The following DPF3 variants were observed in gnomAD, a reference collection of about 807,000 sequenced individuals.
DPF3 encodes zinc finger protein DPF3.
A neutral mutation model predicts 56.8 loss-of-function variants in DPF3; 18 were observed. That is an observed-to-expected ratio of 0.32 (90% CI 0.22 to 0.47). DPF3 has a LOEUF of 0.47. Ranked by LOEUF, DPF3 falls within the 20% of genes least tolerant of loss-of-function variation. DPF3 has a pLI of 1.00. For missense variants in DPF3, 403 were observed against 488.8 expected (o/e 0.82, Z 1.65); for synonymous variants, 188 against 180.2 (o/e 1.04, Z -0.35).
At chr14:72,697,712 G>A (rs1476611089) in intron 6 of DPF3, among the ~76,000 whole-genome samples, 1 of 152,182 alleles carries the variant, frequency 6.6e-6, no homozygotes, top group African/African-American at 2.4e-5. Context: ...GGATTTGAAG[G>A]TAGCGAGGGG....
rs1889663209 is a variant in DPF3 at position 72,731,807 on chromosome 14, C to T, written c.429G>A (p.Gln143=). The T allele has an allele frequency of 6.2e-7, 1 of 1,613,346 alleles. No individual in the cohort carries two copies. The highest frequency in any genetic ancestry group is 1.7e-5 in the Admixed American group (1 of 59,972). ...AREEESIQEI[Q]RVLENDENVE... Reference sequence around the variant, plus strand: ...GGGTCCCCAGCAGGTGTGGGAATACCTGTATTTCCTGGATGCTTTCCTCCT... The same window carrying T: ...GGGTCCCCAGCAGGTGTGGGAATACTTGTATTTCCTGGATGCTTTCCTCCT... Residue 143 remains glutamine (Q), a splice_region_variant and synonymous_variant, in exon 4 of 11, where the codon CAG becomes CAA. Coordinates refer to ENST00000556509, the MANE Select transcript of DPF3 (RefSeq NM_001280542.3).
intron 1 of DPF3, among the ~76,000 whole-genome samples, chr14:72,838,671 C>A (rs183481611): frequency 1.3e-5 from 2 of 151,736 alleles, no homozygotes; most frequent in African/African-American, 4.8e-5. Context: ...GCAGGAGAAT[C>A]GCTTGAACCC....
At chr14:72,757,001 G>A (rs1276717235) in intron 2 of DPF3, among the ~76,000 whole-genome samples, 5 of 140,234 alleles carry the variant, frequency 3.6e-5, no homozygotes, top group Non-Finnish European at 3.1e-5. Context: ...GGGAGAGAGG[G>A]AGAGAGGAGA....
At chr14:72,774,262 T>TAAAAAA (rs777564213) in intron 1 of DPF3, among the ~76,000 whole-genome samples, 1 of 61,004 alleles carries the variant, frequency 1.6e-5, no homozygotes, top group Non-Finnish European at 2.9e-5. Flanking sequence ...AGACTCTGTC[T>TAAAAAA]AAAAAAAAAA....
intron 1 of DPF3, among the ~76,000 whole-genome samples, chr14:72,833,393 G>A (rs1884144667): frequency 1.3e-5 from 2 of 152,196 alleles, no homozygotes; most frequent in Non-Finnish European, 1.5e-5. Flanking sequence ...TTTTGAACGT[G>A]TTGAGGTCCT....
At position 72,824,561 on chromosome 14, in the gene DPF3, T is replaced by TTTGTTTG. The variant is rs544921224; in HGVS notation, c.33-52669_33-52668insCAAACAA. On this transcript the variant is annotated intron_variant, in intron 1 of 10. Transcript: ENST00000556509. ...TTACGTTTTCTTTTTCTTTTTTTTT[T>TTTGTTTG]TTTGTTTGTTTGTTTGTTTGTTTTG... Among the ~76,000 whole-genome samples the TTTGTTTG allele has an allele frequency of 2.5e-3, 386 of 151,490 alleles. 8 individuals carry two copies. Among genetic ancestry groups the TTTGTTTG allele is most frequent in the Non-Finnish European group, 2.4e-3 (162 of 67,836 alleles).
chr14:72,715,673 G>A (rs1169416978), intron 5 of DPF3, among the ~76,000 whole-genome samples: 1 of 151,816 alleles, frequency 6.6e-6, no homozygotes, highest in African/African-American at 2.4e-5. Context: ...ACTCACCGGG[G>A]ACTTCACAGT....
intron 1 of DPF3, among the ~76,000 whole-genome samples, chr14:72,864,760 G>A (rs746609630): frequency 1.3e-5 from 2 of 152,352 alleles, no homozygotes; most frequent in African/African-American, 2.4e-5. Flanking sequence ...AAACTGAACT[G>A]TGCAATGCCT....
intron 1 of DPF3, among the ~76,000 whole-genome samples, chr14:72,866,632 G>A (rs1446147859): frequency 2.0e-5 from 3 of 150,454 alleles, no homozygotes; most frequent in South Asian, 2.1e-4. Context: ...CGAGGAGGGC[G>A]GATCACCTGA....
At chr14:72,833,452 T>C (rs1884148132) in intron 1 of DPF3, among the ~76,000 whole-genome samples, 1 of 152,122 alleles carries the variant, frequency 6.6e-6, no homozygotes, top group Admixed American at 6.5e-5. Context: ...AGGATGAATA[T>C]GTGCATTGGG....
rs564842116 is a variant in DPF3 at position 72,644,037 on chromosome 14, G to C, written c.872-14301C>G. Among the ~76,000 whole-genome samples, 3 of 152,276 alleles carry C rather than the reference G, an allele frequency of 2.0e-5. 1 individual carries two copies. The South Asian group carries it at 6.2e-4, about 32-fold the overall frequency. The stretch of plus-strand genomic sequence containing the variant: ...ATTCACTTTCCAAGTTGCAGTGGCA[G>C]GAGAATGGAAAATGAGGATGATGAT... On this transcript the variant is annotated intron_variant, in intron 8 of 10. Coordinates refer to ENST00000556509, the MANE Select transcript of DPF3 (RefSeq NM_001280542.3).
At chr14:72,878,539 A>G (rs1886203043) in intron 1 of DPF3, among the ~76,000 whole-genome samples, 2 of 152,240 alleles carry the variant, frequency 1.3e-5, no homozygotes, top group Admixed American at 6.5e-5. Flanking sequence ...TTAAACCATT[A>G]CAGTGCTTTG....
At position 72,609,287 on chromosome 14, in the gene DPF3, T is replaced by C. The variant is rs1883587875; in HGVS notation, c.*10010A>G. ...GACAGGTCTCCCTCCCAGAACCCCA[T>C]CAGGACAGGAGAAAAGGCAGCAAGA... On this transcript the variant is annotated 3_prime_UTR_variant, in exon 11 of 11. Transcript: ENST00000556509. Among the ~76,000 whole-genome samples the C allele has an allele frequency of 6.6e-6, 1 of 152,026 alleles. No individual in the cohort carries two copies. The highest frequency in any genetic ancestry group is 2.4e-5 in the African/African-American group (1 of 41,400).
At chr14:72,699,060 C>T (rs755813166) in intron 6 of DPF3, among the ~76,000 whole-genome samples, 10 of 151,910 alleles carry the variant, frequency 6.6e-5, no homozygotes, top group South Asian at 2.1e-4. Flanking sequence ...GGGAAAGAGA[C>T]GTAGATTTTG....
chr14:72,828,360 A>C (rs1883904505), intron 1 of DPF3, among the ~76,000 whole-genome samples: 1 of 151,772 alleles, frequency 6.6e-6, no homozygotes, highest in Non-Finnish European at 1.5e-5. Flanking sequence ...TCTAGAGGAG[A>C]AGATTGAGAC....
intron 8 of DPF3, chr14:72,671,078 C>T (rs772150287): frequency 1.0e-5 from 16 of 1,592,030 alleles, no homozygotes; most frequent in Non-Finnish European, 1.4e-5. Flanking sequence ...TCAGAACCAG[C>T]ACAATGACCA....
chr14:72,853,085 A>G (rs1885047446), intron 1 of DPF3: 1 of 114,228 alleles, frequency 8.8e-6, no homozygotes, highest in South Asian at 3.0e-4. Context: ...GCTGAGGCAT[A>G]GAAAATATCT....
chr14:72,799,958 G>C (rs907655216), intron 1 of DPF3, among the ~76,000 whole-genome samples: 1 of 152,176 alleles, frequency 6.6e-6, no homozygotes, highest in Non-Finnish European at 1.5e-5. Flanking sequence ...GAGTGAAGAA[G>C]ATACACTCAC....
At chr14:72,849,772 C>T (rs1436357859) in intron 1 of DPF3, among the ~76,000 whole-genome samples, 2 of 152,140 alleles carry the variant, frequency 1.3e-5, no homozygotes, top group African/African-American at 2.4e-5. Flanking sequence ...GAGCCAAATA[C>T]GGCCCCTGGG....
Sources: allele counts gnomAD v4.1 joint callset (sites outside exome capture counted in the v4.1 genomes callset), GRCh38; gene constraint gnomAD v4.1.1; transcripts MANE v1.5; gene names NCBI Gene and HGNC (gene_info 2026-07-23, HGNC 2026-07-21).